TP53BP2: variants seen among roughly 807,000 people sequenced by gnomAD.
TP53BP2 encodes the protein tumor protein p53 binding protein 2, also known as apoptosis-stimulating of p53 protein 2.
TP53BP2 carries 62 observed loss-of-function variants against 126.2 expected under a neutral mutation model. That is an observed-to-expected ratio of 0.49 (90% CI 0.40 to 0.61). TP53BP2 has a LOEUF of 0.61. Among genes scored for constraint, TP53BP2 ranks in the 20% least tolerant of loss-of-function variants. The probability of loss-of-function intolerance (pLI) is 0.00; values close to 1 mark genes in which losing one functional copy is unlikely to be tolerated. For missense variants in TP53BP2, 1,215 were observed against 1,402.8 expected (o/e 0.87, Z 2.14); for synonymous variants, 485 against 502.9 (o/e 0.96, Z 0.48).
intron 16 of TP53BP2, among the ~76,000 whole-genome samples, chr1:223,787,084 T>C (rs777475383): frequency 2.6e-5 from 4 of 151,924 alleles, no homozygotes; most frequent in Non-Finnish European, 2.9e-5. Context: ...TTAGTACAGA[T>C]GGAGTTTCAC....
chr1:223,786,565 T>TGTGC (rs1372705176), intron 16 of TP53BP2, among the ~76,000 whole-genome samples: 6 of 137,376 alleles, frequency 4.4e-5, no homozygotes, highest in Admixed American at 1.5e-4. Context: ...TATATATGTG[T>TGTGC]GTGTGTGCGT....
At chr1:223,814,104 C>G in intron 3 of TP53BP2, 136 bp downstream of exon 3, 1 of 625,642 alleles carries the variant, frequency 1.6e-6, no homozygotes, top group Non-Finnish European at 2.8e-6. Context: ...CCCTCGACAG[C>G]CTATCTCCAC....
At position 223,800,109 on chromosome 1, in the gene TP53BP2, G is replaced by C. The variant is rs114383697; in HGVS notation, c.1337-62C>G. ...TTAGAATAAAGTATCTCATTCACTC[G>C]TAAGTTTCTCTCCCCTAAATCTCCC... On this transcript the variant is annotated intron_variant, in intron 10 of 17. Transcript: ENST00000343537. The C allele has an allele frequency of 6.8e-6, 10 of 1,479,054 alleles. No homozygotes were observed. The Admixed American group carries it at 9.4e-5, about 14-fold the overall frequency. The allele number at this position is 1,479,054 out of a possible 1,614,324, so 91.6% of individuals were successfully genotyped here. A position where few individuals can be genotyped will look rare whatever the true frequency, so the allele number is the denominator to read the frequency against.
At chr1:223,824,855 A>G (rs899838734) in intron 1 of TP53BP2, among the ~76,000 whole-genome samples, 1 of 151,544 alleles carries the variant, frequency 6.6e-6, no homozygotes, top group African/African-American at 2.4e-5. Context: ...CATCAAACAC[A>G]CCAGGCATGT....
chr1:223,834,335 C>T (rs557246645), intron 1 of TP53BP2, among the ~76,000 whole-genome samples: 1 of 152,122 alleles, frequency 6.6e-6, no homozygotes. Flanking sequence ...AGAGGAGAGG[C>T]CCAGTACTCA....
rs79539210 is a variant in TP53BP2 at position 223,799,166 on chromosome 1, G to A, written c.1486-489C>T. ...TTTATTTTTATATAGACAGGGTCTC[G>A]TTTTGTTGCCCAGGCTGGTCTCGAA... On this transcript the variant is annotated intron_variant, in intron 11 of 17. Transcript: ENST00000343537. Among the ~76,000 whole-genome samples the A allele has an allele frequency of 5.1e-4, 77 of 151,920 alleles. No homozygotes were observed. The East Asian group carries it at 0.01, about 20-fold the overall frequency.
chr1:223,784,666 G>A (rs16842234), intron 16 of TP53BP2, among the ~76,000 whole-genome samples: 3,659 of 152,154 alleles, frequency 0.024, 135 homozygotes, highest in African/African-American at 0.084. Context: ...AAAAGTGAAC[G>A]ATATGCCTGT....
rs1054198040 is a variant in TP53BP2, at chr1:223,780,615, G to A, written c.*238C>T. ...CTGTATACTTATCTGAGTGCTACAC[G>A]GGACACCTTTGCCCCAACACAGTAT... On this transcript the variant is annotated 3_prime_UTR_variant, in exon 18 of 18. Coordinates refer to ENST00000343537, the MANE Select transcript of TP53BP2 (RefSeq NM_001031685.3). 1.5e-5 allele frequency: 8 copies of A among 516,482 alleles called. No homozygotes were observed. The highest frequency in any genetic ancestry group is 1.2e-4 in the African/African-American group (6 of 51,778). The allele number at this position is 516,482 out of a possible 1,614,324, so 32.0% of individuals were successfully genotyped here. A position where few individuals can be genotyped will look rare whatever the true frequency, so the allele number is the denominator to read the frequency against.
chr1:223,789,227 T>A, intron 15 of TP53BP2, 53 bp from the exon 16 acceptor site: 2 of 1,584,130 alleles, frequency 1.3e-6, no homozygotes, highest in Non-Finnish European at 1.7e-6. Context: ...GAATGACACC[T>A]GCTGATAAGA....
intron 1 of TP53BP2, among the ~76,000 whole-genome samples, chr1:223,841,933 A>C (rs1210420873): frequency 6.7e-6 from 1 of 148,164 alleles, no homozygotes; most frequent in African/African-American, 2.5e-5. Flanking sequence ...TTTTTGAGAC[A>C]GTCTCGCTCT....
chr1:223,820,549 C>T (rs1275033898), intron 2 of TP53BP2, among the ~76,000 whole-genome samples: 1 of 152,106 alleles, frequency 6.6e-6, no homozygotes, highest in East Asian at 1.9e-4. Flanking sequence ...GAAGTGGGGG[C>T]TCAGCTGAAG....
At chr1:223,839,924 A>C (rs1664053347) in intron 1 of TP53BP2, among the ~76,000 whole-genome samples, 1 of 151,898 alleles carries the variant, frequency 6.6e-6, no homozygotes, top group East Asian at 1.9e-4. Context: ...TGGGTGATAG[A>C]GCAAGACTCT....
chr1:223,798,155 G>A, intron 12 of TP53BP2, 60 bp downstream of exon 12: 1 of 1,490,062 alleles, frequency 6.7e-7, no homozygotes, highest in Non-Finnish European at 9.1e-7. Flanking sequence ...TCTGCTGAGG[G>A]ATGGCTTAAG....
intron 1 of TP53BP2, among the ~76,000 whole-genome samples, chr1:223,832,479 T>C (rs936326858): frequency 2.0e-5 from 3 of 152,222 alleles, no homozygotes; most frequent in Admixed American, 6.5e-5. Flanking sequence ...GTACCCCTTA[T>C]GGAGGCAGGC....
chr1:223,798,659 C>T lies in TP53BP2; in HGVS notation c.1504G>A (p.Ala502Thr), dbSNP rs143559178. ...GTAGGAACAGGAGGTGGTACTTTAG[C>T]CACATTTTTATTTGCAACCTATAAC... ...RDAQVANKNVAKVPPPVPTKP... is the reference protein window; with the variant it reads ...RDAQVANKNVTKVPPPVPTKP... Residue 502 changes from alanine (A) to threonine (T), a missense_variant, in exon 12 of 18, where the codon GCT becomes ACT. Around this residue, in one of 4 missense-constraint regions of TP53BP2, gnomAD observed 814 missense variants for 853.0 expected, o/e 0.95. Coordinates refer to ENST00000343537, the MANE Select transcript of TP53BP2 (RefSeq NM_001031685.3). 92 of 1,606,936 alleles carry T rather than the reference C, an allele frequency of 5.7e-5. No homozygotes were observed. The African/African-American group carries it at 1.2e-3, about 21-fold the overall frequency.
intron 17 of TP53BP2, among the ~76,000 whole-genome samples, chr1:223,781,558 T>A (rs947861750): frequency 1.3e-5 from 2 of 151,932 alleles, no homozygotes; most frequent in Non-Finnish European, 2.9e-5. Flanking sequence ...CAGCCCCTCT[T>A]GACAAAAGAA....
At chr1:223,842,444 A>T (rs915729993) in intron 1 of TP53BP2, among the ~76,000 whole-genome samples, 1 of 152,346 alleles carries the variant, frequency 6.6e-6, no homozygotes, top group African/African-American at 2.4e-5. Flanking sequence ...AAAGATACAG[A>T]GCATTTCCAT....
At chr1:223,794,109 A>T (rs764897590) in intron 13 of TP53BP2, among the ~76,000 whole-genome samples, 1 of 152,174 alleles carries the variant, frequency 6.6e-6, no homozygotes, top group Non-Finnish European at 1.5e-5. Context: ...TGTCTTAGGT[A>T]TAACAAGGAT....
chr1:223,831,846 T>C (rs61823589), intron 1 of TP53BP2, among the ~76,000 whole-genome samples: 2 of 151,334 alleles, frequency 1.3e-5, no homozygotes, highest in African/African-American at 4.8e-5. Context: ...CATATCTAGA[T>C]GAAGATGTGC....
Sources: allele counts gnomAD v4.1 joint callset (sites outside exome capture counted in the v4.1 genomes callset), GRCh38; gene constraint gnomAD v4.1.1; regional missense constraint gnomAD v4.1.1; transcripts MANE v1.5; gene names NCBI Gene and HGNC (gene_info 2026-07-23, HGNC 2026-07-21).